The following COL14A1 variants were observed in gnomAD, a reference collection of about 807,000 sequenced individuals.
COL14A1 encodes the protein collagen alpha-1(XIV) chain.
In COL14A1, 136 loss-of-function variants were observed where a neutral mutation model predicts 230.3. The observed-to-expected ratio is 0.59, with a 90% CI of 0.51 to 0.68. COL14A1 has a LOEUF of 0.68. Among genes scored for constraint, COL14A1 ranks in the 30% least tolerant of loss-of-function variants. COL14A1 has a pLI of 0.00. For synonymous variants in COL14A1, 792 were observed against 784.1 expected, an observed-to-expected ratio of 1.01 and a Z score of -0.17; for missense variants, 1,976 against 2,215.8, an observed-to-expected ratio of 0.89 and a Z score of 2.17.
At chr8:120,187,032 T>C (rs1816674247) in intron 5 of COL14A1, among the ~76,000 whole-genome samples, 1 of 152,192 alleles carries the variant, frequency 6.6e-6, no homozygotes, top group Non-Finnish European at 1.5e-5. Context: ...TTCATGGAGT[T>C]GGTAAAGTGT....
At position 120,241,839 on chromosome 8, in the gene COL14A1, C is replaced by A. The variant is rs141355370; in HGVS notation, c.2350-2040C>A. Among the ~76,000 whole-genome samples the A allele has an allele frequency of 3.7e-4, 57 of 152,198 alleles. No individual in the cohort carries two copies. The East Asian group carries it at 9.8e-3, about 26-fold the overall frequency. The stretch of plus-strand genomic sequence containing the variant: ...TCTATATGGGCCTCAGTTTTCTCAT[C>A]TGTAAAATGAATGTGATGATACCCC... On this transcript the variant is annotated intron_variant, in intron 19 of 47. Coordinates refer to ENST00000297848, the MANE Select transcript of COL14A1 (RefSeq NM_021110.4).
intron 20 of COL14A1, among the ~76,000 whole-genome samples, chr8:120,244,266 T>C (rs1818698984): frequency 6.6e-6 from 1 of 152,168 alleles, no homozygotes. Context: ...TCTTCCAGAG[T>C]TTAATTCGTC....
chr8:120,307,617 T>C (rs1820893567), intron 36 of COL14A1, among the ~76,000 whole-genome samples: 1 of 152,092 alleles, frequency 6.6e-6, no homozygotes, highest in East Asian at 1.9e-4. Context: ...AGTATATAAA[T>C]AGACAGTCAC....
intron 5 of COL14A1, among the ~76,000 whole-genome samples, chr8:120,178,058 A>C (rs13257307): frequency 0.25 from 37,833 of 152,056 alleles, 5,091 homozygotes; most frequent in African/African-American, 0.35. Flanking sequence ...TCTCTGGAGT[A>C]TTAAATAAAA....
At chr8:120,343,335 C>T (rs1822379477) in intron 44 of COL14A1, among the ~76,000 whole-genome samples, 1 of 152,202 alleles carries the variant, frequency 6.6e-6, no homozygotes, top group Admixed American at 6.5e-5. Context: ...CAATAGCACC[C>T]CCACTTCCAG....
chr8:120,256,119 T>C (rs1290323351), intron 23 of COL14A1, among the ~76,000 whole-genome samples: 3 of 152,204 alleles, frequency 2.0e-5, no homozygotes, highest in Non-Finnish European at 4.4e-5. Flanking sequence ...CTATATCTTA[T>C]TATTTTATGG....
chr8:120,242,383 A>G (rs879614516), intron 19 of COL14A1, among the ~76,000 whole-genome samples: 3 of 152,196 alleles, frequency 2.0e-5, no homozygotes, highest in Non-Finnish European at 4.4e-5. Context: ...TTAGTATTCC[A>G]TGTGCTAAAT....
chr8:120,235,370 C>T (rs1359912860), intron 19 of COL14A1, among the ~76,000 whole-genome samples: 1 of 151,962 alleles, frequency 6.6e-6, no homozygotes, highest in Non-Finnish European at 1.5e-5. Flanking sequence ...GGGTTTTCAC[C>T]ATGTTGGCCA....
chr8:120,314,865 C>CCAAAA (rs763193354), intron 38 of COL14A1, among the ~76,000 whole-genome samples: 8 of 151,950 alleles, frequency 5.3e-5, no homozygotes, highest in Non-Finnish European at 7.4e-5. Context: ...ATGTTTCTAG[C>CCAAAA]CAAAACAAAA....
chr8:120,262,610 T>C (rs1388439820), intron 23 of COL14A1, among the ~76,000 whole-genome samples: 1 of 152,242 alleles, frequency 6.6e-6, no homozygotes, highest in Non-Finnish European at 1.5e-5. Flanking sequence ...CTCCATTAAG[T>C]AAAGAGTTGA....
intron 5 of COL14A1, among the ~76,000 whole-genome samples, chr8:120,182,745 G>C (rs1034855692): frequency 2.1e-5 from 1 of 46,924 alleles, no homozygotes; most frequent in Admixed American, 1.9e-4. Flanking sequence ...TTTTTTTTTT[G>C]AGGTGGAGTC....
chr8:120,289,557 T>C (rs377515936), intron 33 of COL14A1, 51 bp from the exon 34 acceptor site: 184 of 1,509,816 alleles, frequency 1.2e-4, no homozygotes, highest in Non-Finnish European at 1.6e-4. Context: ...ACAAATTTGG[T>C]TGATATTTCC....
At chr8:120,252,856 C>T (rs1005305709) in intron 22 of COL14A1, among the ~76,000 whole-genome samples, 4 of 152,202 alleles carry the variant, frequency 2.6e-5, no homozygotes, top group African/African-American at 4.8e-5. Context: ...CAGCGCCCCC[C>T]GATTGCATAT....
chr8:120,191,795 T>C (rs12541636), intron 5 of COL14A1, among the ~76,000 whole-genome samples: 42,658 of 151,918 alleles, frequency 0.28, 6,843 homozygotes, highest in East Asian at 0.46. Context: ...TTTACAATTA[T>C]GTAATGGCCT....
At chr8:120,244,158 C>A in intron 20 of COL14A1, 150 bp downstream of exon 20, 1 of 913,076 alleles carries the variant, frequency 1.1e-6, no homozygotes, top group South Asian at 1.8e-5. Flanking sequence ...TGTCTTTACA[C>A]ACACAAGCTA....
At chr8:120,233,026 G>A (rs1196828904) in intron 19 of COL14A1, among the ~76,000 whole-genome samples, 1 of 152,146 alleles carries the variant, frequency 6.6e-6, no homozygotes, top group East Asian at 1.9e-4. Flanking sequence ...ACGATGATGA[G>A]CTTTTTTTCA....
chr8:120,263,113 G>T, intron 24 of COL14A1, 99 bp downstream of exon 24: 3 of 1,296,260 alleles, frequency 2.3e-6, no homozygotes, highest in Non-Finnish European at 3.1e-6. Context: ...ATTAGCTATT[G>T]CTGTTCAGGA....
In COL14A1 at chr8:120,134,799, AC is replaced by A. The variant is rs767092776; in HGVS notation, c.-38+9462del. Among the ~76,000 whole-genome samples, 27 of 152,274 alleles carry A rather than the reference AC, an allele frequency of 1.8e-4. No homozygotes were observed. The East Asian group carries it at 2.7e-3, about 15-fold the overall frequency. On this transcript the variant is annotated intron_variant, in intron 1 of 47. Transcript: ENST00000297848. ...AGACCAGCCTGGCCAACATGGCGAA[AC>A]CCTGTCTCTACTAAAAATACAAAAA...
intron 34 of COL14A1, among the ~76,000 whole-genome samples, chr8:120,290,979 A>C (rs919237521): frequency 5.3e-5 from 8 of 152,212 alleles, no homozygotes; most frequent in African/African-American, 1.2e-4. Flanking sequence ...ATTATGGATT[A>C]GATGTTTAGG....
Sources: gnomAD v4.1 joint callset for allele counts (sites outside exome capture counted in the v4.1 genomes callset) on GRCh38, gnomAD v4.1.1 for gene constraint, MANE v1.5 for transcripts, NCBI Gene and HGNC (gene_info 2026-07-23, HGNC 2026-07-21) for gene names.